Variants in WDR37 observed in about 807,000 individuals in gnomAD.
WDR37 encodes the protein WD repeat-containing protein 37.
In WDR37, 19 loss-of-function variants were observed where a neutral mutation model predicts 62.9. The observed-to-expected ratio is 0.30, with a 90% CI of 0.21 to 0.44. WDR37 has a LOEUF of 0.44. Among genes scored for constraint, WDR37 ranks in the 20% least tolerant of loss-of-function variants. The pLI, the probability that WDR37 is intolerant of heterozygous loss-of-function variation, is 1.00. For missense variants in WDR37, 474 were observed against 657.6 expected, an observed-to-expected ratio of 0.72 and a Z score of 3.05; for synonymous variants, 250 against 260.9, an observed-to-expected ratio of 0.96 and a Z score of 0.40.
chr10:1,122,156 C>T (rs1835602101), intron 11 of WDR37, among the ~76,000 whole-genome samples: 2 of 151,848 alleles, frequency 1.3e-5, no homozygotes, highest in Admixed American at 6.6e-5. Context: ...TAACTGGACT[C>T]CAGAGTTCCA....
At chr10:1,083,980 A>G (rs1397546958) in intron 5 of WDR37, among the ~76,000 whole-genome samples, 3 of 152,238 alleles carry the variant, frequency 2.0e-5, no homozygotes, top group Non-Finnish European at 4.4e-5. Context: ...GATCAGTGTC[A>G]TTAGCTAAAG....
At chr10:1,125,258 C>T (rs1199333966) in intron 13 of WDR37, among the ~76,000 whole-genome samples, 4 of 151,926 alleles carry the variant, frequency 2.6e-5, no homozygotes, top group Non-Finnish European at 2.9e-5. Flanking sequence ...CTCTTGTTGC[C>T]CAGGCTGGAG....
chr10:1,131,531 T>A lies in WDR37; in HGVS notation c.*2187T>A, dbSNP rs1762977992. 6.6e-6 allele frequency: 1 copy of A among 152,232 alleles called. No homozygotes were observed. The highest frequency in any genetic ancestry group is 1.5e-5 in the Non-Finnish European group (1 of 68,050). 9.4% of individuals were successfully genotyped at this position (152,232 alleles called of 1,614,324 possible). On this transcript the variant is annotated 3_prime_UTR_variant, in exon 14 of 14. Transcript: ENST00000263150. ...GGAGGGACCTCAGAAACTGGACTCC[T>A]GCATGTCCTTGGGGGCGCAGCCCTG... is the stretch of plus-strand genomic sequence containing the variant.
intron 2 of WDR37, among the ~76,000 whole-genome samples, chr10:1,073,319 T>A (rs76637399): frequency 0.013 from 1,959 of 152,302 alleles, 51 homozygotes; most frequent in African/African-American, 0.045. Flanking sequence ...GAAATTGGCT[T>A]CTGTGAATAT....
intron 1 of WDR37, among the ~76,000 whole-genome samples, chr10:1,065,954 C>G (rs1254259247): frequency 1.3e-5 from 2 of 151,810 alleles, no homozygotes; most frequent in Admixed American, 6.6e-5. Context: ...CACAAAAAAT[C>G]TTGAACTTTA....
At position 1,069,389 on chromosome 10, in the gene WDR37, ATTTTT is replaced by A. The variant is rs377212232; in HGVS notation, c.-40-2713_-40-2709del. 6.7e-3 allele frequency among the ~76,000 whole-genome samples: 638 copies of A among 95,788 alleles called. 11 individuals are homozygous for A. Among genetic ancestry groups the A allele is most frequent in the African/African-American group, 0.028 (597 of 21,356 alleles). 62.8% of individuals were successfully genotyped at this position (95,788 alleles called of 152,430 possible). A position where few individuals can be genotyped will look rare whatever the true frequency, so the allele number is the denominator to read the frequency against. On this transcript the variant is annotated intron_variant, in intron 1 of 13. Coordinates refer to ENST00000263150, the MANE Select transcript of WDR37 (RefSeq NM_014023.4). ...GGAAAGAATATATATATATATATAT[ATTTTT>A]TTTTTTTTTTTTTGCAGCAGGTGAA... is the stretch of plus-strand genomic sequence containing the variant.
chr10:1,123,959 C>T (rs1444539211), intron 11 of WDR37: 2 of 443,726 alleles, frequency 4.5e-6, no homozygotes, highest in Non-Finnish European at 8.1e-6. Flanking sequence ...TTTCTGTAAC[C>T]TCTCTTCGTT....
At chr10:1,120,630 A>G (rs1364081944) in intron 11 of WDR37, among the ~76,000 whole-genome samples, 1 of 152,204 alleles carries the variant, frequency 6.6e-6, no homozygotes, top group Non-Finnish European at 1.5e-5. Context: ...GCTGCCGTCC[A>G]CAGGACTCCC....
chr10:1,073,825 C>T (rs1833791101), intron 2 of WDR37, among the ~76,000 whole-genome samples: 1 of 152,162 alleles, frequency 6.6e-6, no homozygotes, highest in Admixed American at 6.5e-5. Flanking sequence ...CTTACAAGGA[C>T]CCCTGTCATA....
intron 12 of WDR37, 106 bp from the exon 13 acceptor site, chr10:1,124,804 C>T: frequency 7.0e-7 from 1 of 1,429,042 alleles, no homozygotes; most frequent in Non-Finnish European, 9.5e-7. Context: ...ATGTAGTCGG[C>T]CTTGAAATGT....
chr10:1,122,580 A>G (rs1019700291), intron 11 of WDR37, among the ~76,000 whole-genome samples: 3 of 152,258 alleles, frequency 2.0e-5, no homozygotes, highest in African/African-American at 7.2e-5. Flanking sequence ...CCGTTGCTGA[A>G]GACAGCAGTG....
chr10:1,073,873 C>T (rs911743652), intron 2 of WDR37, among the ~76,000 whole-genome samples: 1 of 152,198 alleles, frequency 6.6e-6, no homozygotes, highest in East Asian at 1.9e-4. Flanking sequence ...TTTACTCTCA[C>T]CACCTCTTTC....
intron 13 of WDR37, 142 bp downstream of exon 13, chr10:1,125,166 T>C: frequency 7.1e-7 from 1 of 1,401,932 alleles, no homozygotes; most frequent in South Asian, 1.5e-5. Flanking sequence ...GTTCATAAAA[T>C]TTAAAATTGA....
At chr10:1,091,098 G>C (rs1037502194) in intron 7 of WDR37, among the ~76,000 whole-genome samples, 1 of 152,214 alleles carries the variant, frequency 6.6e-6, no homozygotes, top group African/African-American at 2.4e-5. Flanking sequence ...TATTTTGAGT[G>C]GGTGAGCAGT....
chr10:1,063,538 C>G (rs536671757), intron 1 of WDR37, among the ~76,000 whole-genome samples: 2 of 152,338 alleles, frequency 1.3e-5, no homozygotes, highest in African/African-American at 4.8e-5. Flanking sequence ...ATGAGATGCT[C>G]CTCTCTGCAG....
intron 8 of WDR37, among the ~76,000 whole-genome samples, 195 bp downstream of exon 8, chr10:1,093,691 A>C (rs993951303): frequency 2.6e-5 from 4 of 152,218 alleles, no homozygotes; most frequent in Non-Finnish European, 5.9e-5. Context: ...GTAGTGGATA[A>C]GCAGTTGGAT....
chr10:1,066,165 G>C (rs1428328528), intron 1 of WDR37, among the ~76,000 whole-genome samples: 1 of 152,092 alleles, frequency 6.6e-6, no homozygotes, highest in Non-Finnish European at 1.5e-5. Flanking sequence ...ACCCAGGTTG[G>C]AGTGCAGTGG....
At chr10:1,093,330 G>A (rs1021566512) in intron 7 of WDR37, 122 bp from the exon 8 acceptor site, 1 of 744,034 alleles carries the variant, frequency 1.3e-6, no homozygotes, top group Admixed American at 2.8e-5. Context: ...CTGAGTGGAG[G>A]ATCAAATATT....
chr10:1,094,668 A>G (rs574760387), intron 8 of WDR37, among the ~76,000 whole-genome samples: 1 of 152,322 alleles, frequency 6.6e-6, no homozygotes, highest in East Asian at 1.9e-4. Context: ...GATTCAAACC[A>G]AAGGGCTGGA....
Sources: allele counts gnomAD v4.1 joint callset (sites outside exome capture counted in the v4.1 genomes callset), GRCh38; gene constraint gnomAD v4.1.1; transcripts MANE v1.5; gene names NCBI Gene and HGNC (gene_info 2026-07-23, HGNC 2026-07-21).